INPP5A: variants seen among roughly 807,000 people sequenced by gnomAD.
The protein encoded by INPP5A is 43 kDa inositol polyphosphate 5-phophatase.
INPP5A carries 14 observed loss-of-function variants against 65.2 expected under a neutral mutation model. The observed-to-expected ratio is 0.21, with a 90% CI of 0.14 to 0.34. The LOEUF (loss-of-function observed/expected upper bound fraction) is 0.34, where lower values mean the gene tolerates loss of function less well. Ranked by LOEUF, INPP5A falls within the 10% of genes least tolerant of loss-of-function variation. The pLI, the probability that INPP5A is intolerant of heterozygous loss-of-function variation, is 1.00. For missense variants in INPP5A, 431 were observed against 545.6 expected (o/e 0.79, Z 2.09); for synonymous variants, 207 against 208.3 (o/e 0.99, Z 0.05).
At chr10:132,726,551 G>A (rs1414739978) in intron 8 of INPP5A, among the ~76,000 whole-genome samples, 2 of 152,228 alleles carry the variant, frequency 1.3e-5, no homozygotes, top group Non-Finnish European at 2.9e-5. Flanking sequence ...TGAGGAGGCA[G>A]CTGAGACTCT....
chr10:132,639,601 A>G (rs2072401057), intron 2 of INPP5A, among the ~76,000 whole-genome samples: 1 of 152,212 alleles, frequency 6.6e-6, no homozygotes, highest in Admixed American at 6.5e-5. Flanking sequence ...AGGTTCTAGA[A>G]TCTGTAAATG....
intron 1 of INPP5A, among the ~76,000 whole-genome samples, chr10:132,571,407 C>T (rs11146419): frequency 0.18 from 27,922 of 152,186 alleles, 3,428 homozygotes; most frequent in East Asian, 0.46. Context: ...TCCCCAGCTG[C>T]GGGGAAGGGC....
intron 4 of INPP5A, among the ~76,000 whole-genome samples, chr10:132,668,879 G>A (rs1040102935): frequency 3.3e-5 from 5 of 152,086 alleles, no homozygotes; most frequent in Non-Finnish European, 5.9e-5. Context: ...TTTATTGAGC[G>A]TGTACTGCTT....
intron 5 of INPP5A, among the ~76,000 whole-genome samples, chr10:132,695,449 C>G (rs928244237): frequency 6.6e-6 from 1 of 152,206 alleles, no homozygotes; most frequent in Non-Finnish European, 1.5e-5. Flanking sequence ...GGCAAGGATG[C>G]CTCCTCTCCT....
At chr10:132,646,594 G>A (rs971596379) in intron 3 of INPP5A, among the ~76,000 whole-genome samples, 7 of 152,170 alleles carry the variant, frequency 4.6e-5, no homozygotes, top group African/African-American at 4.8e-5. Context: ...TCCCGAGGCC[G>A]CAGCCGTGAA....
intron 2 of INPP5A, among the ~76,000 whole-genome samples, chr10:132,614,263 C>A (rs1163850020): frequency 1.3e-5 from 2 of 152,124 alleles, no homozygotes; most frequent in East Asian, 3.9e-4. Context: ...CTCAGGAGTT[C>A]GAGACCAGCC....
intron 6 of INPP5A, among the ~76,000 whole-genome samples, chr10:132,699,599 G>A (rs1426054216): frequency 3.3e-5 from 5 of 152,106 alleles, no homozygotes; most frequent in Non-Finnish European, 7.4e-5. Context: ...GGGTAGGAGA[G>A]CCCATAGGGA....
chr10:132,781,012 C>T, intron 14 of INPP5A, 95 bp downstream of exon 14: 1 of 793,362 alleles, frequency 1.3e-6, no homozygotes, highest in Non-Finnish European at 2.1e-6. Context: ...GGTGCTGGGG[C>T]TGGCAGGCAG....
In INPP5A at chr10:132,768,325, T is replaced by TGGCA. The variant is rs1405129731; in HGVS notation, c.977+2479_977+2480insGGCA. On this transcript the variant is annotated intron_variant, in intron 12 of 15. Coordinates refer to ENST00000368594, the MANE Select transcript of INPP5A (RefSeq NM_005539.5). ...GTTCCCAGGGTGCCCACGCGCCCAG[T>TGGCA]TGCATTCCAGAAAGATCCATGGACC... is the stretch of plus-strand genomic sequence containing the variant. Among the ~76,000 whole-genome samples, 172 of 142,582 alleles carry TGGCA rather than the reference T, an allele frequency of 1.2e-3. 4 individuals are homozygous for TGGCA. The highest frequency in any genetic ancestry group is 4.1e-3 in the African/African-American group (152 of 37,100). 93.5% of individuals were successfully genotyped at this position (142,582 alleles called of 152,430 possible).
intron 9 of INPP5A, among the ~76,000 whole-genome samples, chr10:132,734,735 C>T (rs1296655693): frequency 6.6e-6 from 1 of 152,262 alleles, no homozygotes; most frequent in Non-Finnish European, 1.5e-5. Flanking sequence ...CACCTCTCTT[C>T]AGTTCTCCCC....
Position 132,606,475 on chromosome 10 carries a change from G to A in INPP5A, c.76-1440G>A, listed in dbSNP as rs376082443. Among the ~76,000 whole-genome samples the A allele has an allele frequency of 2.3e-3, 350 of 152,336 alleles. 1 individual carries two copies. The highest frequency in any genetic ancestry group is 7.7e-3 in the African/African-American group (322 of 41,574). ...GCAGTGGGCGATTCTCTCCCTTCGC[G>A]TGTGTGTGTGCTGGGGTTGTGTGTC... On this transcript the variant is annotated intron_variant, in intron 1 of 15. Coordinates refer to ENST00000368594, the MANE Select transcript of INPP5A (RefSeq NM_005539.5).
chr10:132,605,191 T>C (rs1474057294), intron 1 of INPP5A, among the ~76,000 whole-genome samples: 1 of 22,046 alleles, frequency 4.5e-5, no homozygotes, highest in African/African-American at 1.9e-4. Context: ...GGGGAAGAAG[T>C]GGATCCCCCA....
At chr10:132,771,142 G>A (rs1225680812) in intron 12 of INPP5A, among the ~76,000 whole-genome samples, 1 of 152,178 alleles carries the variant, frequency 6.6e-6, no homozygotes, top group Non-Finnish European at 1.5e-5. Flanking sequence ...AAAACGAGCA[G>A]CTGCTTTAGC....
chr10:132,729,444 G>A (rs1846043495), intron 9 of INPP5A, among the ~76,000 whole-genome samples: 1 of 152,184 alleles, frequency 6.6e-6, no homozygotes, highest in Admixed American at 6.5e-5. Flanking sequence ...TCCTGCCCAG[G>A]TCTAGATGGC....
In INPP5A at chr10:132,705,542, C is replaced by T. The variant is rs73385191; in HGVS notation, c.475-2771C>T. Among the ~76,000 whole-genome samples, 1,940 of 152,348 alleles carry T rather than the reference C, an allele frequency of 0.013. 45 individuals are homozygous for T. Among genetic ancestry groups the T allele is most frequent in the African/African-American group, 0.044 (1,809 of 41,566 alleles). ...CTCGACGAGTAGAGCCATAGCCTGG[C>T]GTCCAAGTGCGTGGCCAGGCCGGGA... On this transcript the variant is annotated intron_variant, in intron 6 of 15. Coordinates refer to ENST00000368594, the MANE Select transcript of INPP5A (RefSeq NM_005539.5). This position sits in a 1 kb window ranked among gnomAD's most constrained non-coding sequence, Gnocchi z 4.9.
intron 12 of INPP5A, among the ~76,000 whole-genome samples, chr10:132,766,976 C>CA (rs1379581697): frequency 1.2e-5 from 1 of 85,396 alleles, no homozygotes; most frequent in African/African-American, 5.1e-5. Context: ...GATGTGGCCT[C>CA]GGAGCTTGGG....
intron 8 of INPP5A, among the ~76,000 whole-genome samples, chr10:132,719,742 T>G (rs1288505409): frequency 6.7e-6 from 1 of 149,668 alleles, no homozygotes; most frequent in African/African-American, 2.5e-5. Context: ...GTCTTCAGGG[T>G]TCTGTGGTAC....
At chr10:132,635,531 G>A (rs1434509995) in intron 2 of INPP5A, among the ~76,000 whole-genome samples, 1 of 150,764 alleles carries the variant, frequency 6.6e-6, no homozygotes, top group Non-Finnish European at 1.5e-5. Flanking sequence ...GAGTAGCTGG[G>A]ACTACAGGTG....
intron 4 of INPP5A, among the ~76,000 whole-genome samples, chr10:132,689,619 G>GA (rs1047439416): frequency 1.3e-5 from 2 of 152,108 alleles, no homozygotes; most frequent in East Asian, 1.9e-4. Context: ...TTTAGCAAAA[G>GA]AAAAAAATAC....
Sources: allele counts gnomAD v4.1 joint callset (sites outside exome capture counted in the v4.1 genomes callset), GRCh38; gene constraint gnomAD v4.1.1; non-coding constraint Gnocchi (gnomAD v3.1); transcripts MANE v1.5; gene names NCBI Gene and HGNC (gene_info 2026-07-23, HGNC 2026-07-21).